Variants in THSD7B observed in about 807,000 individuals in gnomAD.
THSD7B encodes thrombospondin type 1 domain containing 7B, also known as thrombospondin type-1 domain-containing protein 7B.
In THSD7B, 138 loss-of-function variants were observed where a neutral mutation model predicts 213.6. The observed-to-expected ratio is 0.65, with a 90% CI of 0.56 to 0.74. The LOEUF (loss-of-function observed/expected upper bound fraction) is 0.74. Ranked by LOEUF, THSD7B falls within the 30% of genes least tolerant of loss-of-function variation. The pLI is 0.00. For synonymous variants in THSD7B, 742 were observed against 687.0 expected, an observed-to-expected ratio of 1.08 and a Z score of -1.25; for missense variants, 1,931 against 1,991.5, an observed-to-expected ratio of 0.97 and a Z score of 0.58.
Position 137,337,159 on chromosome 2 carries a change from A to G in THSD7B, c.2500+61133A>G, listed in dbSNP as rs573166253. Reference sequence around the variant, plus strand: ...ACATCAGCATTGGTATAATACTATTAATATTCAGAACTTATTCAGATTTCA... The same window carrying G: ...ACATCAGCATTGGTATAATACTATTGATATTCAGAACTTATTCAGATTTCA... On this transcript the variant is annotated intron_variant, in intron 12 of 27. Coordinates refer to ENST00000409968, the MANE Select transcript of THSD7B (RefSeq NM_001316349.2). Among the ~76,000 whole-genome samples, 55 of 152,124 alleles carry G rather than the reference A, an allele frequency of 3.6e-4. No individual in the cohort carries two copies. In the South Asian group the frequency reaches 4.4e-3, roughly 12 times the overall value.
At chr2:137,092,303 C>T (rs1365171599) in intron 3 of THSD7B, among the ~76,000 whole-genome samples, 1 of 151,974 alleles carries the variant, frequency 6.6e-6, no homozygotes, top group Non-Finnish European at 1.5e-5. Flanking sequence ...GTCCCAGCTA[C>T]TCAGGAGACT....
intron 7 of THSD7B, among the ~76,000 whole-genome samples, chr2:137,226,582 C>T (rs146216957): frequency 1.3e-5 from 2 of 151,380 alleles, no homozygotes; most frequent in East Asian, 3.9e-4. Context: ...TTGTCGTGTC[C>T]AAGTGCTTTT....
chr2:137,045,968 A>G (rs1686960754), intron 2 of THSD7B, among the ~76,000 whole-genome samples: 1 of 152,150 alleles, frequency 6.6e-6, no homozygotes, highest in Non-Finnish European at 1.5e-5. Flanking sequence ...TCTACCTACA[A>G]TCATAAACTG....
intron 3 of THSD7B, among the ~76,000 whole-genome samples, chr2:137,087,160 C>A (rs35107954): frequency 0.081 from 12,332 of 151,730 alleles, 693 homozygotes; most frequent in African/African-American, 0.16. Context: ...ATATGTATAA[C>A]AAAAATATTT....
At chr2:137,399,667 T>C (rs561748076) in intron 12 of THSD7B, among the ~76,000 whole-genome samples, 4 of 152,322 alleles carry the variant, frequency 2.6e-5, no homozygotes, top group African/African-American at 9.6e-5. Context: ...GATGATATTA[T>C]CAGGGTGATT....
intron 12 of THSD7B, among the ~76,000 whole-genome samples, chr2:137,280,114 G>A (rs1682972538): frequency 6.6e-6 from 1 of 152,152 alleles, no homozygotes; most frequent in South Asian, 2.1e-4. Context: ...CACTAAGGGT[G>A]AGTGTTAGTT....
chr2:137,057,568 A>G (rs1203780957), intron 3 of THSD7B, among the ~76,000 whole-genome samples: 1 of 152,224 alleles, frequency 6.6e-6, no homozygotes, highest in Non-Finnish European at 1.5e-5. Flanking sequence ...TCTCATAATG[A>G]TAAAAATTCA....
intron 17 of THSD7B, among the ~76,000 whole-genome samples, chr2:137,577,910 C>T (rs185003670): frequency 1.7e-4 from 26 of 152,226 alleles, no homozygotes; most frequent in Admixed American, 8.5e-4. Flanking sequence ...ACGATTGTAA[C>T]GCGATTCAAG....
At chr2:136,790,950 G>A (rs1038391991) in intron 1 of THSD7B, among the ~76,000 whole-genome samples, 3 of 152,014 alleles carry the variant, frequency 2.0e-5, no homozygotes, top group Non-Finnish European at 4.4e-5. Flanking sequence ...GCCTTAGGAG[G>A]AGGTCTAAGA....
intron 2 of THSD7B, among the ~76,000 whole-genome samples, chr2:137,019,179 C>T (rs1686396864): frequency 6.6e-6 from 1 of 152,212 alleles, no homozygotes; most frequent in South Asian, 2.1e-4. Flanking sequence ...CCCCACTCGC[C>T]TCCATTCCAA....
At chr2:137,213,724 T>G (rs1338126129) in intron 7 of THSD7B, among the ~76,000 whole-genome samples, 1 of 152,104 alleles carries the variant, frequency 6.6e-6, no homozygotes, top group East Asian at 1.9e-4. Context: ...ATCTTGCTCA[T>G]GGTGCTTGAA....
Position 137,656,895 on chromosome 2 carries a change from G to C in THSD7B, c.4205G>C (p.Arg1402Thr). Residue 1402 changes from arginine (R) to threonine (T), a missense_variant, in exon 23 of 28, where the codon AGG (arginine) becomes ACG (threonine). Arg to Thr is a moderately conservative substitution (Grantham distance 71). Transcript: ENST00000409968. Reference protein sequence around the residue: ...FETVGRQSRSRTFIIQSFENQ... With the variant: ...FETVGRQSRSTTFIIQSFENQ... ...ACTGTGGGCCGCCAGTCTAGATCAA[G>C]GACTTTTATAATTCAGTCTTTTGAG... is the stretch of plus-strand genomic sequence containing the variant. 6.2e-7 allele frequency: 1 copy of C among 1,614,002 alleles called. No individual in the cohort carries two copies. The highest frequency in any genetic ancestry group is 8.5e-7 in the Non-Finnish European group (1 of 1,179,884).
At chr2:136,799,712 G>C (rs1682141340) in intron 1 of THSD7B, among the ~76,000 whole-genome samples, 2 of 151,822 alleles carry the variant, frequency 1.3e-5, no homozygotes, top group South Asian at 4.1e-4. Context: ...TCCTGGACCT[G>C]AGTTAATTTG....
At chr2:137,146,352 G>A (rs770730935) in intron 5 of THSD7B, among the ~76,000 whole-genome samples, 7 of 152,034 alleles carry the variant, frequency 4.6e-5, no homozygotes, top group Non-Finnish European at 8.8e-5. Flanking sequence ...CAACAAAGCC[G>A]AGTTTCAAAT....
intron 2 of THSD7B, among the ~76,000 whole-genome samples, chr2:136,954,714 CAA>C (rs11378111): frequency 6.7e-5 from 6 of 89,396 alleles, no homozygotes; most frequent in Non-Finnish European, 5.9e-5. Context: ...GACTCTGTCT[CAA>C]AAAAAAAAAA....
At chr2:136,829,363 G>A (rs1351865888) in intron 1 of THSD7B, among the ~76,000 whole-genome samples, 2 of 151,836 alleles carry the variant, frequency 1.3e-5, no homozygotes, top group Non-Finnish European at 2.9e-5. Flanking sequence ...GGACAGGTTG[G>A]GGATAGATGA....
At chr2:137,529,435 A>G (rs1680340336) in intron 15 of THSD7B, among the ~76,000 whole-genome samples, 1 of 152,018 alleles carries the variant, frequency 6.6e-6, no homozygotes, top group South Asian at 2.1e-4. Context: ...TGATTGTCCC[A>G]AAGATAAAGG....
chr2:137,432,317 G>T (rs1687205421), intron 14 of THSD7B, among the ~76,000 whole-genome samples: 1 of 152,214 alleles, frequency 6.6e-6, no homozygotes, highest in Non-Finnish European at 1.5e-5. Flanking sequence ...CTTGAATTTG[G>T]GAGTCGGAGG....
chr2:137,245,280 T>A (rs1054300186), intron 10 of THSD7B, among the ~76,000 whole-genome samples: 12 of 152,198 alleles, frequency 7.9e-5, no homozygotes, highest in African/African-American at 2.4e-4. Flanking sequence ...TTACTTAATG[T>A]CTCTTTGCCT....
Sources: gnomAD v4.1 joint callset for allele counts (sites outside exome capture counted in the v4.1 genomes callset) on GRCh38, gnomAD v4.1.1 for gene constraint, MANE v1.5 for transcripts, NCBI Gene and HGNC (gene_info 2026-07-23, HGNC 2026-07-21) for gene names.